Variants in COL6A6 observed in about 807,000 individuals in gnomAD.
COL6A6 encodes collagen alpha-6(VI) chain.
Under a neutral mutation model 208.6 loss-of-function variants are expected in COL6A6, and 183 were observed. The observed-to-expected ratio is 0.88, with a 90% CI of 0.78 to 0.99. The LOEUF (loss-of-function observed/expected upper bound fraction) is 0.99. Among genes scored for constraint, COL6A6 ranks in the 50% least tolerant of loss-of-function variants. COL6A6 has a pLI of 0.00. For missense variants in COL6A6, 2,816 were observed against 2,815.2 expected, an observed-to-expected ratio of 1.00 and a Z score of -0.01; for synonymous variants, 973 against 1,011.8, an observed-to-expected ratio of 0.96 and a Z score of 0.73.
chr3:130,572,177 A>G (rs1211251065), intron 7 of COL6A6, among the ~76,000 whole-genome samples: 1 of 152,184 alleles, frequency 6.6e-6, no homozygotes, highest in African/African-American at 2.4e-5. Flanking sequence ...GCAGAAGGTC[A>G]TTTAAAATGT....
At chr3:130,531,596 C>T (rs1019451887) in intron 1 of COL6A6, among the ~76,000 whole-genome samples, 2 of 152,198 alleles carry the variant, frequency 1.3e-5, no homozygotes, top group African/African-American at 4.8e-5. Context: ...AATAACCTGC[C>T]TCCCCCTTGA....
Position 130,591,824 on chromosome 3 carries a change from A to C in COL6A6, c.4273-717A>C, listed in dbSNP as rs187348204. Among the ~76,000 whole-genome samples, 510 of 152,302 alleles carry C rather than the reference A, an allele frequency of 3.3e-3. 6 individuals carry two copies. In the Middle Eastern group the frequency reaches 0.034, roughly 10 times the overall value. ...CTCAGTTACCTAACAGCCTTAGCTA[A>C]AGTTGGGGCTTGAGAGGGGAACGCT... On this transcript the variant is annotated intron_variant, in intron 13 of 36. Transcript: ENST00000358511.
intron 36 of COL6A6, among the ~76,000 whole-genome samples, chr3:130,668,083 G>C (rs1382558919): frequency 6.6e-6 from 1 of 151,268 alleles, no homozygotes; most frequent in South Asian, 2.1e-4. Context: ...AAAGACAGCA[G>C]AATCAAGTCA....
At chr3:130,535,460 C>G (rs994727646) in intron 1 of COL6A6, among the ~76,000 whole-genome samples, 1 of 151,644 alleles carries the variant, frequency 6.6e-6, no homozygotes, top group Non-Finnish European at 1.5e-5. Context: ...TTTGCAGTGT[C>G]TTTTGAATTA....
intron 20 of COL6A6, among the ~76,000 whole-genome samples, chr3:130,604,289 C>T (rs577118172): frequency 2.0e-4 from 31 of 151,966 alleles, no homozygotes; most frequent in East Asian, 1.2e-3. Flanking sequence ...GTCAGGAGAT[C>T]GAGACCATCC....
At chr3:130,587,114 T>G (rs1248865256) in intron 11 of COL6A6, among the ~76,000 whole-genome samples, 1 of 152,174 alleles carries the variant, frequency 6.6e-6, no homozygotes, top group Non-Finnish European at 1.5e-5. Flanking sequence ...GGCCTGTAAA[T>G]GAAAGCAAAT....
At chr3:130,675,022 ATTT>A (rs2066323826) in intron 36 of COL6A6, among the ~76,000 whole-genome samples, 177 bp from the exon 37 acceptor site, 2 of 152,342 alleles carry the variant, frequency 1.3e-5, no homozygotes, top group East Asian at 3.9e-4. Flanking sequence ...GAGATGTATC[ATTT>A]GTCAGCTTCT....
Position 130,520,980 on chromosome 3 carries a change from GGAA to G in COL6A6, c.-32+3590_-32+3592del, listed in dbSNP as rs374267662. On this transcript the variant is annotated intron_variant, in intron 1 of 36. Transcript: ENST00000358511. ...CAAATGCTCAACTGGTAGAGGGGAG[GGAA>G]GAAGAATAGAATATACAAACCAACT... is the stretch of plus-strand genomic sequence containing the variant. Among the ~76,000 whole-genome samples, 85 of 152,260 alleles carry G rather than the reference GGAA, an allele frequency of 5.6e-4. No homozygotes were observed. The Middle Eastern group carries it at 0.01, about 18-fold the overall frequency.
chr3:130,673,550 C>T (rs1176129040), intron 36 of COL6A6, among the ~76,000 whole-genome samples: 5 of 152,054 alleles, frequency 3.3e-5, no homozygotes, highest in African/African-American at 7.2e-5. Context: ...ATGAAAACAG[C>T]GTGCTTCAGA....
Position 130,627,359 on chromosome 3 carries a change from A to G in COL6A6, c.4982A>G (p.Lys1661Arg). The G allele has an allele frequency of 6.2e-7, 1 of 1,613,770 alleles. No homozygotes were observed. Among genetic ancestry groups the G allele is most frequent in the Non-Finnish European group, 8.5e-7 (1 of 1,179,680 alleles). Residue 1661 changes from lysine to arginine, a missense_variant, in exon 26 of 37, where the codon AAG (lysine) becomes AGG (arginine). Lys to Arg is a conservative substitution (Grantham distance 26). Transcript: ENST00000358511. Reference protein sequence around the residue: ...GSPGYGSVGRKGAKGQEGFPG... With the variant: ...GSPGYGSVGRRGAKGQEGFPG... The stretch of plus-strand genomic sequence containing the variant: ...CCAGGTTATGGTAGTGTCGGACGCA[A>G]GGGAGCAAAGGTAAGTCAAGTCTGC...
chr3:130,551,687 T>C (rs2062646699), intron 1 of COL6A6, among the ~76,000 whole-genome samples: 1 of 151,924 alleles, frequency 6.6e-6, no homozygotes, highest in African/African-American at 2.4e-5. Context: ...ATTTTGGTTA[T>C]TTCTTCTGCT....
rs564078977 is a variant in COL6A6 at position 130,619,110 on chromosome 3, C to G, written c.4816-2711C>G. On this transcript the variant is annotated intron_variant, in intron 23 of 36. Transcript: ENST00000358511. Reference sequence around the variant, plus strand: ...GGATGGGTTGATGGGTTCTAGGTATCCTATGATGCGCCAGAGATATGAATT... The same window carrying G: ...GGATGGGTTGATGGGTTCTAGGTATGCTATGATGCGCCAGAGATATGAATT... Among the ~76,000 whole-genome samples, 3 of 152,280 alleles carry G rather than the reference C, an allele frequency of 2.0e-5. No individual in the cohort carries two copies. The East Asian group carries it at 5.8e-4, about 29-fold the overall frequency.
chr3:130,634,579 G>A lies in COL6A6; in HGVS notation c.4993-11G>A. 2 of 1,603,174 alleles carry A rather than the reference G, an allele frequency of 1.2e-6. No individual in the cohort carries two copies. Among genetic ancestry groups the A allele is most frequent in the Non-Finnish European group, 1.7e-6 (2 of 1,174,138 alleles). Reference sequence around the variant, plus strand: ...TGTGCCTGTATAAATCTTTCCTCCTGTCCATTACAGGGACAAGAAGGATTC... The same window carrying A: ...TGTGCCTGTATAAATCTTTCCTCCTATCCATTACAGGGACAAGAAGGATTC... On this transcript the variant is annotated splice_polypyrimidine_tract_variant and intron_variant, in intron 26 of 36. Transcript: ENST00000358511.
intron 27 of COL6A6, among the ~76,000 whole-genome samples, chr3:130,635,430 G>C (rs1055215005): frequency 2.6e-5 from 4 of 152,128 alleles, no homozygotes; most frequent in Admixed American, 2.0e-4. Context: ...TCCTATGATA[G>C]AGTCAGAGGA....
At chr3:130,673,220 A>AAAAAAACC (rs1553724906) in intron 36 of COL6A6, among the ~76,000 whole-genome samples, 3,437 of 129,630 alleles carry the variant, frequency 0.027, 162 homozygotes, top group East Asian at 0.11. Context: ...AAAAAAACAA[A>AAAAAAACC]AAAAAAAAAC....
chr3:130,645,623 C>A (rs2065443854), intron 32 of COL6A6, among the ~76,000 whole-genome samples: 1 of 152,106 alleles, frequency 6.6e-6, no homozygotes, highest in African/African-American at 2.4e-5. Context: ...TGTGTCATAT[C>A]ATCTCTGTCA....
At chr3:130,529,227 A>G (rs1425698762) in intron 1 of COL6A6, among the ~76,000 whole-genome samples, 2 of 151,458 alleles carry the variant, frequency 1.3e-5, no homozygotes, top group East Asian at 3.9e-4. Flanking sequence ...GTTGACCAAT[A>G]GCTTTCAATG....
rs746425522 is a variant in COL6A6 at position 130,571,375 on chromosome 3, T to C, written c.2959T>C (p.Cys987Arg). 1 of 1,572,748 alleles carries C rather than the reference T, an allele frequency of 6.4e-7. No individual in the cohort carries two copies. Among genetic ancestry groups the C allele is most frequent in the East Asian group, 2.2e-5 (1 of 44,510 alleles). ...ATTTTCAGATGTGACAGCCAGTGTCTGCAACTCTTCAAAAGTAGGTAAGTT... is the reference window on the plus strand; with the variant it reads ...ATTTTCAGATGTGACAGCCAGTGTCCGCAACTCTTCAAAAGTAGGTAAGTT... ...GIFSDVTASV[C>R]NSSKVDCEID... The change falls in exon 7 of 37, where the codon TGC becomes CGC. Residue 987 changes from cysteine to arginine, a missense_variant. Coordinates refer to ENST00000358511, the MANE Select transcript of COL6A6 (RefSeq NM_001102608.3).
intron 1 of COL6A6, among the ~76,000 whole-genome samples, chr3:130,522,820 A>G (rs1222842304): frequency 6.6e-6 from 1 of 151,748 alleles, no homozygotes; most frequent in African/African-American, 2.4e-5. Flanking sequence ...ATTTCCTAAC[A>G]ATCTCTACAA....
Sources: gnomAD v4.1 joint callset for allele counts (sites outside exome capture counted in the v4.1 genomes callset) on GRCh38, gnomAD v4.1.1 for gene constraint, MANE v1.5 for transcripts, NCBI Gene and HGNC (gene_info 2026-07-23, HGNC 2026-07-21) for gene names.